The following YES1 variants were observed in gnomAD, a reference collection of about 807,000 sequenced individuals.
The protein encoded by YES1 is tyrosine-protein kinase Yes.
In YES1, 39 loss-of-function variants were observed where a neutral mutation model predicts 70.4. The ratio of observed to expected loss-of-function variants is 0.55; its 90% CI spans 0.43 to 0.72. The LOEUF is 0.72. Among genes scored for constraint, YES1 ranks in the 30% least tolerant of loss-of-function variants. The pLI is 0.00. For synonymous variants in YES1, 198 were observed against 218.6 expected (o/e 0.91, Z 0.83); for missense variants, 495 against 644.8 (o/e 0.77, Z 2.52).
chr18:724,746 C>T (rs1336257653), intron 11 of YES1, 114 bp from the exon 12 acceptor site: 5 of 754,864 alleles, frequency 6.6e-6, no homozygotes, highest in Non-Finnish European at 2.1e-6. Flanking sequence ...TGAAACAATT[C>T]TTTTAACAAA....
At chr18:729,020 A>T (rs893129269) in intron 11 of YES1, among the ~76,000 whole-genome samples, 2 of 152,138 alleles carry the variant, frequency 1.3e-5, no homozygotes, top group Admixed American at 6.5e-5. Flanking sequence ...ATTACTTTTT[A>T]AAAATGTTGT....
At chr18:736,335 A>AG (rs34753979) in intron 10 of YES1, 20,091 of 154,732 alleles carry the variant, frequency 0.13, 1,630 homozygotes, top group East Asian at 0.42. Context: ...TGTGGGGGGA[A>AG]GGGGGGGTTT....
At chr18:769,680 T>C (rs1905070399) in intron 1 of YES1, among the ~76,000 whole-genome samples, 2 of 151,768 alleles carry the variant, frequency 1.3e-5, no homozygotes, top group Admixed American at 6.6e-5. Flanking sequence ...ATCATATAGG[T>C]TTTTTTCCTT....
At chr18:809,556 C>T (rs1165233823) in intron 1 of YES1, among the ~76,000 whole-genome samples, 1 of 152,166 alleles carries the variant, frequency 6.6e-6, no homozygotes, top group Admixed American at 6.5e-5. Context: ...TTCCCTCTGC[C>T]TCCTAAAGTG....
chr18:794,126 G>C (rs533437963), intron 1 of YES1, among the ~76,000 whole-genome samples: 1 of 152,198 alleles, frequency 6.6e-6, no homozygotes, highest in Non-Finnish European at 1.5e-5. Context: ...ATTTTGTGGT[G>C]ATGAAACCTG....
intron 1 of YES1, among the ~76,000 whole-genome samples, chr18:781,868 C>T (rs1381790144): frequency 6.6e-6 from 1 of 152,056 alleles, no homozygotes; most frequent in Non-Finnish European, 1.5e-5. Context: ...GCAGTGTTTG[C>T]CTTGGTTAAG....
intron 9 of YES1, 31 bp from the exon 10 acceptor site, chr18:736,992 C>T (rs1215794158): frequency 6.4e-7 from 1 of 1,564,488 alleles, no homozygotes; most frequent in African/African-American, 1.4e-5. Flanking sequence ...AAACACAAGA[C>T]ATACGATACA....
At chr18:727,508 T>TC (rs1365803344) in intron 11 of YES1, among the ~76,000 whole-genome samples, 3 of 152,196 alleles carry the variant, frequency 2.0e-5, no homozygotes, top group Non-Finnish European at 4.4e-5. Context: ...TTCCATCTGT[T>TC]CGTTTCTCCT....
At chr18:811,820 C>T (rs1907398912) in intron 1 of YES1, among the ~76,000 whole-genome samples, 1 of 152,148 alleles carries the variant, frequency 6.6e-6, no homozygotes, top group Non-Finnish European at 1.5e-5. Context: ...ACCCCAAAGA[C>T]AAGGGGTGGG....
At chr18:788,956 C>T (rs1431422644) in intron 1 of YES1, among the ~76,000 whole-genome samples, 1 of 152,054 alleles carries the variant, frequency 6.6e-6, no homozygotes, top group African/African-American at 2.4e-5. Context: ...AGAAATATTT[C>T]CTTGCTCAGA....
At chr18:757,804 A>G (rs142608017) in intron 1 of YES1, among the ~76,000 whole-genome samples, 2 of 152,182 alleles carry the variant, frequency 1.3e-5, no homozygotes, top group East Asian at 3.9e-4. Context: ...CCTGGGTGAC[A>G]GAGTAAGACT....
intron 11 of YES1, among the ~76,000 whole-genome samples, chr18:729,477 C>G (rs1229881932): frequency 6.6e-6 from 1 of 151,486 alleles, no homozygotes; most frequent in African/African-American, 2.4e-5. Flanking sequence ...TTAATAGATT[C>G]CAATTCTGCT....
intron 1 of YES1, among the ~76,000 whole-genome samples, chr18:775,991 T>C (rs1905361649): frequency 6.6e-6 from 1 of 152,178 alleles, no homozygotes; most frequent in African/African-American, 2.4e-5. Flanking sequence ...TTTTTGCTAT[T>C]AGAATAATGA....
At chr18:742,845 G>T in intron 8 of YES1, 73 bp downstream of exon 8, 1 of 1,267,912 alleles carries the variant, frequency 7.9e-7, no homozygotes, top group Non-Finnish European at 1.1e-6. Flanking sequence ...AACAGTATAA[G>T]TCTATATGCA....
intron 1 of YES1, among the ~76,000 whole-genome samples, chr18:766,549 T>C (rs1466396546): frequency 6.6e-6 from 1 of 151,650 alleles, no homozygotes; most frequent in African/African-American, 2.4e-5. Context: ...CTTCCATAAA[T>C]ACAAAAACAT....
intron 1 of YES1, among the ~76,000 whole-genome samples, chr18:768,171 C>T (rs1157275779): frequency 6.6e-6 from 1 of 152,152 alleles, no homozygotes; most frequent in Non-Finnish European, 1.5e-5. Context: ...CTAAGTGTGG[C>T]AATGTTAAAA....
intron 1 of YES1, among the ~76,000 whole-genome samples, chr18:805,149 C>T (rs3915598): frequency 0.63 from 95,856 of 151,956 alleles, 31,515 homozygotes; most frequent in African/African-American, 0.83. Context: ...TTAGGCAATT[C>T]TGACATTATG....
intron 1 of YES1, among the ~76,000 whole-genome samples, chr18:792,021 A>T (rs552580687): frequency 1.3e-5 from 2 of 152,302 alleles, no homozygotes; most frequent in Admixed American, 1.3e-4. Context: ...CTCATCTATT[A>T]TACTGGAGAG....
chr18:765,268 A>C (rs1384156040), intron 1 of YES1, among the ~76,000 whole-genome samples: 7 of 94,978 alleles, frequency 7.4e-5, no homozygotes, highest in Non-Finnish European at 1.4e-4. Flanking sequence ...ATATATATAT[A>C]TATATATATA....
Sources: allele counts gnomAD v4.1 joint callset (sites outside exome capture counted in the v4.1 genomes callset), GRCh38; gene constraint gnomAD v4.1.1; transcripts MANE v1.5; gene names NCBI Gene and HGNC (gene_info 2026-07-23, HGNC 2026-07-21).